The following CYFIP1 variants were observed in gnomAD, a reference collection of about 807,000 sequenced individuals.
CYFIP1 encodes cytoplasmic FMR1 interacting protein 1.
Under a neutral mutation model 163.5 loss-of-function variants are expected in CYFIP1, and 58 were observed. That is an observed-to-expected ratio of 0.35 (90% CI 0.29 to 0.44). The LOEUF is 0.44. Ranked by LOEUF, CYFIP1 falls within the 20% of genes least tolerant of loss-of-function variation. CYFIP1 has a pLI of 1.00. For missense variants in CYFIP1, 1,338 were observed against 1,653.8 expected, an observed-to-expected ratio of 0.81 and a Z score of 3.31; for synonymous variants, 663 against 660.7, an observed-to-expected ratio of 1.00 and a Z score of -0.05.
chr15:22,936,939 G>A (rs945393464), intron 9 of CYFIP1, among the ~76,000 whole-genome samples, 165 bp downstream of exon 9: 4 of 152,152 alleles, frequency 2.6e-5, no homozygotes, highest in Non-Finnish European at 4.4e-5. Context: ...CAAAAGGAAA[G>A]AGAAAGCGCG....
intron 23 of CYFIP1, among the ~76,000 whole-genome samples, chr15:22,890,666 G>A (rs555573399): frequency 2.6e-5 from 4 of 151,430 alleles, no homozygotes; most frequent in African/African-American, 9.7e-5. Flanking sequence ...AGCGGAGGCC[G>A]CACCTGCCAA....
Position 22,925,912 on chromosome 15 carries a change from T to C in CYFIP1, c.1359+70A>G. 18 of 1,585,892 alleles carry C rather than the reference T, an allele frequency of 1.1e-5. No homozygotes were observed. In the South Asian group the frequency reaches 1.8e-4, roughly 16 times the overall value. On this transcript the variant is annotated intron_variant, in intron 13 of 30. Transcript: ENST00000617928. ...AAACAGGCAGTTTTGTTCATGTTTT[T>C]GCTTTTGACAGAGAAGATGGTGTGA...
chr15:22,889,561 G>A (rs1342555204), intron 23 of CYFIP1, among the ~76,000 whole-genome samples: 2 of 152,084 alleles, frequency 1.3e-5, no homozygotes, highest in African/African-American at 2.4e-5. Context: ...CCAACCCCAC[G>A]AGGCCCCTTC....
intron 11 of CYFIP1, among the ~76,000 whole-genome samples, chr15:22,931,686 GA>G (rs766177290): frequency 0.06 from 2,382 of 39,666 alleles, 21 homozygotes; most frequent in Non-Finnish European, 0.066. Flanking sequence ...ATGTTTTTCT[GA>G]AAAAAAAAAA....
rs1040984627 is a variant in CYFIP1 at position 22,867,386 on chromosome 15, A to AAAAC, written c.*2638_*2641dup. ...CTGAATGAAGGAACCTCTTTCTTAC[A>AAAAC]AAACAAAAAAAAGGGCAGAAATCAC... On this transcript the variant is annotated 3_prime_UTR_variant, in exon 31 of 31. Transcript: ENST00000617928. 13 of 389,008 alleles carry AAAAC rather than the reference A, an allele frequency of 3.3e-5. No homozygotes were observed. The highest frequency in any genetic ancestry group is 1.4e-4 in the South Asian group (1 of 6,966). The allele number at this position is 389,008 out of a possible 1,614,324, so 24.1% of individuals were successfully genotyped here. A position where few individuals can be genotyped will look rare whatever the true frequency, so the allele number is the denominator to read the frequency against.
chr15:22,971,940 C>T (rs1315024588), intron 1 of CYFIP1, among the ~76,000 whole-genome samples: 1 of 151,812 alleles, frequency 6.6e-6, no homozygotes, highest in Non-Finnish European at 1.5e-5. Context: ...AGGTTCAATG[C>T]AATCTACAGA....
chr15:22,871,308 A>G (rs1386641143), intron 30 of CYFIP1, among the ~76,000 whole-genome samples: 1 of 152,248 alleles, frequency 6.6e-6, no homozygotes, highest in Non-Finnish European at 1.5e-5. Flanking sequence ...GGATAAAGAA[A>G]TAAGAGATGG....
Position 22,869,917 on chromosome 15 carries a change from A to T in CYFIP1, c.*111T>A, listed in dbSNP as rs2059375534. 2.1e-6 allele frequency: 2 copies of T among 952,984 alleles called. No individual in the cohort carries two copies. Among genetic ancestry groups the T allele is most frequent in the Non-Finnish European group, 2.8e-6 (2 of 714,154 alleles). 59.0% of individuals were successfully genotyped at this position (952,984 alleles called of 1,614,324 possible). Reference sequence around the variant, plus strand: ...AAATTAAGTTTTTAGATCGAAAAGCACCCCCTTTAACAGGTACAGAGATAC... The same window carrying T: ...AAATTAAGTTTTTAGATCGAAAAGCTCCCCCTTTAACAGGTACAGAGATAC... On this transcript the variant is annotated 3_prime_UTR_variant, in exon 31 of 31. Coordinates refer to ENST00000617928, the MANE Select transcript of CYFIP1 (RefSeq NM_014608.6).
intron 1 of CYFIP1, among the ~76,000 whole-genome samples, chr15:22,971,449 G>C (rs1482439773): frequency 1.3e-5 from 2 of 152,186 alleles, no homozygotes; most frequent in African/African-American, 4.8e-5. Context: ...AAGGCAGGCA[G>C]ATCGCTTGAG....
At position 22,918,835 on chromosome 15, in the gene CYFIP1, C is replaced by T. The variant is rs368492727; in HGVS notation, c.1383G>A (p.Leu461=). ...TCTCCATCCTGCCCATCAGCACCTG[C>T]AGGCCTTTGATCATGGCGATCACCT... ...LVEVIAMIKG[L]QVLMGRMESV... The change falls in exon 14 of 31, where the codon CTG becomes CTA. Residue 461 remains leucine (L), a synonymous_variant. Transcript: ENST00000617928. The T allele has an allele frequency of 1.8e-3, 2,933 of 1,610,452 alleles. 89 individuals are homozygous for T. The South Asian group carries it at 0.031, about 17-fold the overall frequency.
chr15:22,964,295 C>T (rs1435403364), intron 1 of CYFIP1, among the ~76,000 whole-genome samples: 1 of 117,064 alleles, frequency 8.5e-6, no homozygotes, highest in Admixed American at 8.0e-5. Context: ...CACACACACA[C>T]ACACACACAC....
chr15:22,963,506 T>TAACA (rs2062764828), intron 1 of CYFIP1, among the ~76,000 whole-genome samples: 1 of 118,566 alleles, frequency 8.4e-6, no homozygotes, highest in African/African-American at 3.1e-5. Context: ...TAACATAACA[T>TAACA]AACATAACAT....
chr15:22,956,444 T>C (rs1444441569), intron 1 of CYFIP1, among the ~76,000 whole-genome samples: 1 of 151,900 alleles, frequency 6.6e-6, no homozygotes, highest in African/African-American at 2.4e-5. Context: ...GCAGAGGTGG[T>C]GCCAAGAGAT....
At position 22,958,515 on chromosome 15, in the gene CYFIP1, G is replaced by C. The variant is rs80038897; in HGVS notation, c.-6-11224C>G. On this transcript the variant is annotated intron_variant, in intron 1 of 30. Coordinates refer to ENST00000617928, the MANE Select transcript of CYFIP1 (RefSeq NM_014608.6). ...CAATGAGGTGCTGACATCTAAAACAGTGTGCCAAGGAACCCTGAAAGAGAG... is the reference window on the plus strand; with the variant it reads ...CAATGAGGTGCTGACATCTAAAACACTGTGCCAAGGAACCCTGAAAGAGAG... Among the ~76,000 whole-genome samples, 660 of 152,320 alleles carry C rather than the reference G, an allele frequency of 4.3e-3. 5 individuals are homozygous for C. The highest frequency in any genetic ancestry group is 0.015 in the African/African-American group (625 of 41,566).
chr15:22,971,717 A>G (rs192422234), intron 1 of CYFIP1, among the ~76,000 whole-genome samples: 1 of 152,156 alleles, frequency 6.6e-6, no homozygotes, highest in Admixed American at 6.5e-5. Flanking sequence ...AAATAAAATA[A>G]AAAGTAGCTG....
At chr15:22,893,728 C>T (rs933333481) in intron 22 of CYFIP1, among the ~76,000 whole-genome samples, 6 of 152,152 alleles carry the variant, frequency 3.9e-5, no homozygotes, top group African/African-American at 7.2e-5. Context: ...GACCACCTAC[C>T]GCAGTACTTC....
At chr15:22,964,351 A>ACTCT (rs200184471) in intron 1 of CYFIP1, among the ~76,000 whole-genome samples, 1 of 63,048 alleles carries the variant, frequency 1.6e-5, no homozygotes, top group African/African-American at 6.6e-5. Context: ...CAACCTCATC[A>ACTCT]CTCACACACA....
intron 1 of CYFIP1, among the ~76,000 whole-genome samples, chr15:22,975,600 A>C (rs551896254): frequency 6.6e-6 from 1 of 152,278 alleles, no homozygotes; most frequent in East Asian, 1.9e-4. Flanking sequence ...CTCTCTACTA[A>C]AAATACAAAA....
intron 30 of CYFIP1, among the ~76,000 whole-genome samples, chr15:22,870,903 G>A (rs928565712): frequency 6.6e-6 from 1 of 152,186 alleles, no homozygotes; most frequent in African/African-American, 2.4e-5. Flanking sequence ...CAGGAATAAA[G>A]AACACGAATT....
Sources: allele counts gnomAD v4.1 joint callset (sites outside exome capture counted in the v4.1 genomes callset), GRCh38; gene constraint gnomAD v4.1.1; transcripts MANE v1.5; gene names NCBI Gene and HGNC (gene_info 2026-07-23, HGNC 2026-07-21).